The following UNC79 variants were observed in gnomAD, a reference collection of about 807,000 sequenced individuals.
UNC79 encodes the protein unc-79 subunit of NALCN channel complex.
Under a neutral mutation model 283.1 loss-of-function variants are expected in UNC79, and 37 were observed. The observed-to-expected ratio is 0.13, with a 90% CI of 0.10 to 0.17. UNC79 has a LOEUF of 0.17. UNC79 is among the 10% of genes least tolerant of loss of function. The probability of loss-of-function intolerance (pLI) is 1.00; values close to 1 mark genes in which losing one functional copy is unlikely to be tolerated. For synonymous variants in UNC79, 1,107 were observed against 1,200.2 expected, an observed-to-expected ratio of 0.92 and a Z score of 1.61; for missense variants, 2,272 against 3,211.1, an observed-to-expected ratio of 0.71 and a Z score of 7.07.
intron 1 of UNC79, among the ~76,000 whole-genome samples, chr14:93,357,755 G>A (rs1382271713): frequency 4.1e-5 from 4 of 97,724 alleles, no homozygotes; most frequent in Non-Finnish European, 4.4e-5. Flanking sequence ...ATGGATATAT[G>A]GATATATATA....
chr14:93,521,377 G>T (rs949700710), intron 7 of UNC79, among the ~76,000 whole-genome samples: 12 of 151,962 alleles, frequency 7.9e-5, no homozygotes, highest in African/African-American at 2.7e-4. Context: ...CTCCTATTTA[G>T]ATTTCTGGAT....
upstream of UNC79, among the ~76,000 whole-genome samples, chr14:93,429,391 A>G (rs2140086290): frequency 6.6e-6 from 1 of 152,340 alleles, no homozygotes. Context: ...GTCCAATCAC[A>G]TATGCAACCC....
intron 1 of UNC79, among the ~76,000 whole-genome samples, chr14:93,456,380 C>T (rs1401578831): frequency 2.0e-5 from 3 of 150,366 alleles, no homozygotes; most frequent in Non-Finnish European, 4.4e-5. Context: ...AATACTTAAG[C>T]AAGAAAAAAA....
At chr14:93,659,323 T>C (rs1383287194) in intron 39 of UNC79, 62 bp downstream of exon 42, 1 of 1,340,664 alleles carries the variant, frequency 7.5e-7, no homozygotes. Context: ...CCTAATGAGA[T>C]AGGCTTGTAG....
chr14:93,493,227 G>A (rs78895222), intron 5 of UNC79, among the ~76,000 whole-genome samples: 1,846 of 152,120 alleles, frequency 0.012, 28 homozygotes, highest in African/African-American at 0.039. Context: ...CATGTGTCAC[G>A]GGGGAGTCTG....
rs146261139 is a variant in UNC79 at position 93,622,742 on chromosome 14, C to A, written c.5509C>A (p.Gln1837Lys). The A allele has an allele frequency of 2.5e-4, 396 of 1,614,118 alleles. 1 individual carries two copies. Among genetic ancestry groups the A allele is most frequent in the Non-Finnish European group, 3.1e-4 (360 of 1,180,018 alleles). The change falls in exon 30 of 49, where the codon CAG (glutamine) becomes AAG (lysine). Residue 1837 changes from glutamine to lysine, a missense_variant. Around this residue, in one of 11 missense-constraint regions of UNC79, gnomAD observed 580 missense variants for 632.2 expected, o/e 0.92. Transcript: ENST00000555664. ...ATTTAAGATTCAGATTGTTCCCAGGCAGAGGAAGCAGAGGAAGATTGCTGT... is the reference window on the plus strand; with the variant it reads ...ATTTAAGATTCAGATTGTTCCCAGGAAGAGGAAGCAGAGGAAGATTGCTGT...
At chr14:93,510,784 T>C (rs981412162) in intron 7 of UNC79, among the ~76,000 whole-genome samples, 5 of 152,192 alleles carry the variant, frequency 3.3e-5, no homozygotes, top group Admixed American at 2.0e-4. Context: ...CTTTCTGTCA[T>C]TTTCCTGTCT....
At chr14:93,352,922 A>T (rs2054006684) in intron 1 of UNC79, among the ~76,000 whole-genome samples, 1 of 152,210 alleles carries the variant, frequency 6.6e-6, no homozygotes, top group South Asian at 2.1e-4. Flanking sequence ...CTTATAAATC[A>T]AGTGCTGTTT....
At chr14:93,499,117 TG>T (rs1468444182) in intron 7 of UNC79, among the ~76,000 whole-genome samples, 2 of 152,204 alleles carry the variant, frequency 1.3e-5, no homozygotes, top group Non-Finnish European at 2.9e-5. Flanking sequence ...TGGTGGCCCT[TG>T]GTGGGCTTAT....
chr14:93,449,838 C>G (rs547817611), intron 1 of UNC79, among the ~76,000 whole-genome samples: 86 of 152,188 alleles, frequency 5.7e-4, no homozygotes, highest in Admixed American at 1.6e-3. Flanking sequence ...GGACTTGTAT[C>G]TAGGGCGAGT....
intron 47 of UNC79, among the ~76,000 whole-genome samples, chr14:93,701,004 G>C (rs1200141961): frequency 6.6e-6 from 1 of 151,616 alleles, no homozygotes; most frequent in Non-Finnish European, 1.5e-5. Context: ...CTTTGGAGTT[G>C]TCTCTCTCTC....
At chr14:93,446,104 C>T (rs1341425736) in intron 1 of UNC79, among the ~76,000 whole-genome samples, 1 of 151,988 alleles carries the variant, frequency 6.6e-6, no homozygotes, top group African/African-American at 2.4e-5. Flanking sequence ...TTCTCTGTTT[C>T]CTATTTTATT....
intron 1 of UNC79, among the ~76,000 whole-genome samples, chr14:93,349,735 C>T (rs1244293408): frequency 2.0e-5 from 3 of 152,156 alleles, no homozygotes; most frequent in Admixed American, 6.5e-5. Context: ...TTTATATCTA[C>T]CTTCGCTAAA....
intron 12 of UNC79, among the ~76,000 whole-genome samples, chr14:93,540,322 T>C (rs1053496869): frequency 6.6e-6 from 1 of 152,224 alleles, no homozygotes; most frequent in South Asian, 2.1e-4. Flanking sequence ...ATGATAGATA[T>C]AGAGGAAGCA....
intron 5 of UNC79, among the ~76,000 whole-genome samples, chr14:93,494,508 G>T (rs1264594073): frequency 1.3e-5 from 2 of 152,188 alleles, no homozygotes; most frequent in East Asian, 3.9e-4. Flanking sequence ...ATAGGAGCTG[G>T]TAATTAGGTA....
At chr14:93,507,399 CT>C (rs769147790) in intron 7 of UNC79, among the ~76,000 whole-genome samples, 13 of 152,138 alleles carry the variant, frequency 8.5e-5, no homozygotes, top group Non-Finnish European at 1.8e-4. Context: ...TTGCAATTGT[CT>C]GTGTTTTTAA....
At chr14:93,633,298 C>T (rs1032228915) in intron 31 of UNC79, among the ~76,000 whole-genome samples, 3 of 152,160 alleles carry the variant, frequency 2.0e-5, no homozygotes, top group East Asian at 3.9e-4. Context: ...CACATCCTTC[C>T]CTTTTGATCA....
intron 47 of UNC79, among the ~76,000 whole-genome samples, chr14:93,702,708 CCCCAGTTTG>C (rs1426396645): frequency 1.3e-5 from 2 of 152,208 alleles, no homozygotes; most frequent in Non-Finnish European, 2.9e-5. Flanking sequence ...CATCAGTGTC[CCCCAGTTTG>C]CCCAGGTTAG....
intron 1 of UNC79, among the ~76,000 whole-genome samples, chr14:93,365,770 A>T (rs1283501488): frequency 1.3e-5 from 2 of 152,174 alleles, no homozygotes. Context: ...TGGAATATAG[A>T]TTCAGGAATT....
Sources: gnomAD v4.1 joint callset for allele counts (sites outside exome capture counted in the v4.1 genomes callset) on GRCh38, gnomAD v4.1.1 for gene constraint, gnomAD v4.1.1 regional missense constraint, MANE v1.5 for transcripts, NCBI Gene and HGNC (gene_info 2026-07-23, HGNC 2026-07-21) for gene names.